The following EFNA5 variants were observed in gnomAD, a reference collection of about 807,000 sequenced individuals.
EFNA5 encodes ephrin-A5.
In EFNA5, 5 loss-of-function variants were observed where a neutral mutation model predicts 22.9. The ratio of observed to expected loss-of-function variants is 0.22; its 90% CI spans 0.11 to 0.46. The LOEUF (loss-of-function observed/expected upper bound fraction) is 0.46. Among genes scored for constraint, EFNA5 ranks in the 20% least tolerant of loss-of-function variants. The pLI is 0.99. For synonymous variants in EFNA5, 113 were observed against 112.2 expected, an observed-to-expected ratio of 1.01 and a Z score of -0.04; for missense variants, 237 against 293.3, an observed-to-expected ratio of 0.81 and a Z score of 1.40.
chr5:107,520,518 T>A (rs1463702633), intron 1 of EFNA5, among the ~76,000 whole-genome samples: 3 of 152,250 alleles, frequency 2.0e-5, no homozygotes, highest in African/African-American at 4.8e-5. Flanking sequence ...ATGTTGAGCA[T>A]CTATTTGTAT....
At chr5:107,398,546 T>C (rs1273074398) in intron 2 of EFNA5, among the ~76,000 whole-genome samples, 4 of 151,912 alleles carry the variant, frequency 2.6e-5, no homozygotes, top group Non-Finnish European at 4.4e-5. Flanking sequence ...ATTGTAGGGA[T>C]TTAAAAAAAA....
At chr5:107,453,689 A>T (rs1191925915) in intron 1 of EFNA5, among the ~76,000 whole-genome samples, 2 of 152,202 alleles carry the variant, frequency 1.3e-5, no homozygotes, top group African/African-American at 2.4e-5. Context: ...TTTAAAATAC[A>T]TGAGAAATCA....
At chr5:107,598,539 A>G (rs1214198402) in intron 1 of EFNA5, among the ~76,000 whole-genome samples, 1 of 152,210 alleles carries the variant, frequency 6.6e-6, no homozygotes, top group East Asian at 1.9e-4. Context: ...AAGACTGGAC[A>G]ATGAAACAGA....
chr5:107,407,746 C>A (rs1255151694), intron 2 of EFNA5, among the ~76,000 whole-genome samples: 1 of 152,140 alleles, frequency 6.6e-6, no homozygotes, highest in Admixed American at 6.5e-5. Flanking sequence ...AGAGTGCACG[C>A]AAAATCAATG....
chr5:107,420,277 C>A (rs893358577), intron 2 of EFNA5, among the ~76,000 whole-genome samples: 3 of 151,992 alleles, frequency 2.0e-5, no homozygotes, highest in Non-Finnish European at 4.4e-5. Flanking sequence ...CTTAACTTTT[C>A]AAAAAATGCA....
At chr5:107,633,335 C>A (rs1750299264) in intron 1 of EFNA5, among the ~76,000 whole-genome samples, 1 of 152,224 alleles carries the variant, frequency 6.6e-6, no homozygotes, top group Non-Finnish European at 1.5e-5. Context: ...CCGATGTGCT[C>A]TTTCCACCTT....
intron 1 of EFNA5, among the ~76,000 whole-genome samples, chr5:107,599,620 C>T (rs545570260): frequency 2.6e-5 from 4 of 152,186 alleles, no homozygotes; most frequent in African/African-American, 9.6e-5. Flanking sequence ...AATTAGAAAT[C>T]GATAGAAAAC....
At chr5:107,606,116 A>C (rs1749707263) in intron 1 of EFNA5, among the ~76,000 whole-genome samples, 2 of 152,334 alleles carry the variant, frequency 1.3e-5, no homozygotes, top group South Asian at 2.1e-4. Context: ...CAGCTACTCA[A>C]GTATTGCAAA....
At position 107,482,540 on chromosome 5, in the gene EFNA5, TTAAGG is replaced by T. The variant is rs1750497007; in HGVS notation, c.126-55036_126-55032del. 2.0e-5 allele frequency among the ~76,000 whole-genome samples: 3 copies of T among 152,222 alleles called. No homozygotes were observed. In the South Asian group the frequency reaches 6.2e-4, roughly 32 times the overall value. ...TAAGACCCAGATCTTGGGAAACAAA[TTAAGG>T]GCGCATCTGCTGGATTGGACCTAGC... On this transcript the variant is annotated intron_variant, in intron 1 of 4. Coordinates refer to ENST00000333274, the MANE Select transcript of EFNA5 (RefSeq NM_001962.3).
intron 1 of EFNA5, among the ~76,000 whole-genome samples, chr5:107,437,747 C>T (rs977232189): frequency 6.6e-6 from 1 of 152,130 alleles, no homozygotes; most frequent in Admixed American, 6.5e-5. Flanking sequence ...AACAGAAGAA[C>T]TGTGTAAAGC....
chr5:107,561,317 G>C (rs189793100), intron 1 of EFNA5, among the ~76,000 whole-genome samples: 1 of 152,274 alleles, frequency 6.6e-6, no homozygotes, highest in East Asian at 1.9e-4. Context: ...GGTACCACTT[G>C]TGTTAAGAGC....
At chr5:107,595,113 A>G (rs1749448008) in intron 1 of EFNA5, among the ~76,000 whole-genome samples, 1 of 150,692 alleles carries the variant, frequency 6.6e-6, no homozygotes, top group Non-Finnish European at 1.5e-5. Context: ...TACACTATAA[A>G]AACCAAGATT....
At chr5:107,517,669 T>C (rs1326475340) in intron 1 of EFNA5, among the ~76,000 whole-genome samples, 1 of 152,236 alleles carries the variant, frequency 6.6e-6, no homozygotes, top group Non-Finnish European at 1.5e-5. Context: ...GTCTGAATCA[T>C]GTTCTGTGAC....
rs34139433 is a variant in EFNA5 at position 107,537,107 on chromosome 5, G to GA, written c.126-109599dup. Among the ~76,000 whole-genome samples the GA allele has an allele frequency of 4.6e-3, 602 of 130,960 alleles. 1 individual carries two copies. Among genetic ancestry groups the GA allele is most frequent in the South Asian group, 5.9e-3 (24 of 4,096 alleles). The allele number at this position is 130,960 out of a possible 152,430, so 85.9% of individuals were successfully genotyped here. On this transcript the variant is annotated intron_variant, in intron 1 of 4. Transcript: ENST00000333274. ...CAACAGAGCAAGACTCCGCCTCAAAGAAAAAAAAAAAAAATTGAAGTAGAT... is the reference window on the plus strand; with the variant it reads ...CAACAGAGCAAGACTCCGCCTCAAAGAAAAAAAAAAAAAAATTGAAGTAGAT...
At chr5:107,469,557 T>C (rs1750083014) in intron 1 of EFNA5, among the ~76,000 whole-genome samples, 2 of 152,128 alleles carry the variant, frequency 1.3e-5, no homozygotes, top group African/African-American at 4.8e-5. Flanking sequence ...CCCACCACCT[T>C]CTGACTGACC....
chr5:107,524,241 T>C (rs1482956049), intron 1 of EFNA5, among the ~76,000 whole-genome samples: 5 of 152,210 alleles, frequency 3.3e-5, no homozygotes, highest in Non-Finnish European at 5.9e-5. Context: ...CAGGCCAGAT[T>C]TGTGAGCAAA....
At chr5:107,641,903 G>A (rs1750528996) in intron 1 of EFNA5, among the ~76,000 whole-genome samples, 2 of 151,894 alleles carry the variant, frequency 1.3e-5, no homozygotes, top group Non-Finnish European at 2.9e-5. Flanking sequence ...CTATATTCCA[G>A]CTCCATATCA....
chr5:107,388,797 T>A (rs1747709737), intron 2 of EFNA5, among the ~76,000 whole-genome samples: 1 of 152,212 alleles, frequency 6.6e-6, no homozygotes, highest in Non-Finnish European at 1.5e-5. Flanking sequence ...ACACATGGCT[T>A]ACAATTAGTT....
intron 2 of EFNA5, among the ~76,000 whole-genome samples, chr5:107,404,599 A>G (rs531827705): frequency 6.6e-6 from 1 of 152,304 alleles, no homozygotes; most frequent in East Asian, 1.9e-4. Flanking sequence ...AGAGATGAGG[A>G]AACTGAGGCT....
Sources: allele counts gnomAD v4.1 joint callset (sites outside exome capture counted in the v4.1 genomes callset), GRCh38; gene constraint gnomAD v4.1.1; transcripts MANE v1.5; gene names NCBI Gene and HGNC (gene_info 2026-07-23, HGNC 2026-07-21).